IGSF10: variants seen among roughly 807,000 people sequenced by gnomAD.
The protein encoded by IGSF10 is immunoglobulin superfamily member 10.
Under a neutral mutation model 128.2 loss-of-function variants are expected in IGSF10, and 126 were observed. The ratio of observed to expected loss-of-function variants is 0.98; its 90% CI spans 0.85 to 1.14. The LOEUF is 1.14. Ranked by LOEUF, IGSF10 falls within the 50% of genes most tolerant of loss-of-function variation. IGSF10 has a pLI of 0.00. For missense variants in IGSF10, 3,295 were observed against 3,149.8 expected (o/e 1.05, Z -1.10); for synonymous variants, 1,185 against 1,146.2 (o/e 1.03, Z -0.68).
chr3:151,521,190 T>C, the IGSF10 span, among the ~76,000 whole-genome samples: 1 of 151,602 alleles, frequency 6.6e-6, no homozygotes, highest in Admixed American at 6.6e-5. Flanking sequence ...TCCTGTTTTA[T>C]ACCCAAAACA....
chr3:151,490,793 AAATC>A, the IGSF10 span, among the ~76,000 whole-genome samples: 15 of 152,286 alleles, frequency 9.8e-5, no homozygotes, highest in Admixed American at 9.8e-4. Context: ...GTCAACAAAT[AAATC>A]AAAAGGGAAA....
chr3:151,438,751 A>C (rs1383349957), intron 7 of IGSF10, among the ~76,000 whole-genome samples, 154 bp from the exon 8 acceptor site: 3 of 151,760 alleles, frequency 2.0e-5, no homozygotes, highest in Non-Finnish European at 2.9e-5. Context: ...TTTGAGAGAG[A>C]TATATATACA....
chr3:151,532,852 G>T, the IGSF10 span, among the ~76,000 whole-genome samples: 3 of 152,110 alleles, frequency 2.0e-5, no homozygotes, highest in African/African-American at 7.2e-5. Flanking sequence ...GAAATAAAGG[G>T]TATTCAATTA....
the IGSF10 span, among the ~76,000 whole-genome samples, chr3:151,555,433 TA>T: frequency 6.6e-6 from 1 of 152,050 alleles, no homozygotes; most frequent in African/African-American, 2.4e-5. Context: ...TTGAGTCAGT[TA>T]AAAATTCATC....
At chr3:151,525,976 C>T in the IGSF10 span, among the ~76,000 whole-genome samples, 6 of 152,130 alleles carry the variant, frequency 3.9e-5, no homozygotes, top group Non-Finnish European at 8.8e-5. Flanking sequence ...AACATGTACA[C>T]CGGGGAGCGG....
the IGSF10 span, among the ~76,000 whole-genome samples, chr3:151,531,900 T>A: frequency 1.3e-5 from 2 of 151,436 alleles, no homozygotes; most frequent in Non-Finnish European, 2.9e-5. Context: ...CAGGAGCTGG[T>A]TTTTTTTAAA....
the IGSF10 span, among the ~76,000 whole-genome samples, chr3:151,514,879 A>G: frequency 6.6e-6 from 1 of 152,224 alleles, no homozygotes; most frequent in Non-Finnish European, 1.5e-5. Flanking sequence ...GCTCATCATC[A>G]TTGGCCATCA....
At chr3:151,458,765 A>G in intron 2 of IGSF10, 55 bp from the exon 3 acceptor site, 2 of 1,406,946 alleles carry the variant, frequency 1.4e-6, no homozygotes, top group South Asian at 1.3e-5. Context: ...AAGTCCCAGG[A>G]CCACCACACA....
chr3:151,528,783 CT>C, the IGSF10 span, among the ~76,000 whole-genome samples: 18 of 145,984 alleles, frequency 1.2e-4, no homozygotes, highest in African/African-American at 4.6e-4. Context: ...TGGGCAGACA[CT>C]GAGCTAGCTG....
chr3:151,597,762 C>T, the IGSF10 span, among the ~76,000 whole-genome samples: 5 of 151,962 alleles, frequency 3.3e-5, no homozygotes, highest in Non-Finnish European at 7.4e-5. Context: ...ACTAAAAGTA[C>T]AAAAATTAGC....
the IGSF10 span, among the ~76,000 whole-genome samples, chr3:151,585,913 G>A: frequency 1.3e-5 from 2 of 151,686 alleles, no homozygotes; most frequent in African/African-American, 4.8e-5. Context: ...GCATTTTAGA[G>A]ATTAAACGTT....
the IGSF10 span, among the ~76,000 whole-genome samples, chr3:151,597,996 G>A: frequency 4.6e-5 from 7 of 151,496 alleles, no homozygotes; most frequent in Admixed American, 4.6e-4. Flanking sequence ...AAATATTTTG[G>A]TGGAAAATTC....
chr3:151,437,344 G>A lies in IGSF10; in HGVS notation c.7217C>T (p.Ala2406Val), dbSNP rs138165000. The change falls in exon 8 of 8, where the codon GCA (alanine) becomes GTA (valine). Residue 2406 changes from alanine (A) to valine (V), a missense_variant. Physicochemically the swap from Ala to Val is moderately conservative, Grantham distance 64 (BLOSUM62 0). Transcript: ENST00000282466. ...CCTAGCTGCACAGCGATATTTTCCT[G>A]CATCCTCCCGAGTTGTTTTAGAAAT... ...FIISKTTRED[A>V]GKYRCAARNK... 737 of 1,614,124 alleles carry A rather than the reference G, an allele frequency of 4.6e-4. 3 individuals are homozygous for A. The African/African-American group carries it at 8.7e-3, about 19-fold the overall frequency.
At chr3:151,501,109 C>T in the IGSF10 span, among the ~76,000 whole-genome samples, 5 of 151,944 alleles carry the variant, frequency 3.3e-5, no homozygotes, top group South Asian at 6.2e-4. Context: ...TGATTATAAG[C>T]GTGTGGATAA....
At position 151,447,760 on chromosome 3, in the gene IGSF10, T is replaced by A; in HGVS notation, c.2221A>T (p.Arg741Trp). Reference protein sequence around the residue: ...DSTHRRFRENRRHFPPSARRI... With the variant: ...DSTHRRFRENWRHFPPSARRI... ...CTAGCAGAGGGAGGGAAATGCCTCC[T>A]ATTCTCCCTAAAACGTCGATGTGTT... The change falls in exon 6 of 8, where the codon AGG becomes TGG. Residue 741 changes from arginine (R) to tryptophan (W), a missense_variant. By Grantham distance (101) the Arg-to-Trp change is moderately radical. Transcript: ENST00000282466. 6.2e-7 allele frequency: 1 copy of A among 1,614,138 alleles called. No individual in the cohort carries two copies. Among genetic ancestry groups the A allele is most frequent in the Non-Finnish European group, 8.5e-7 (1 of 1,179,968 alleles).
chr3:151,561,421 CA>C, the IGSF10 span, among the ~76,000 whole-genome samples: 3 of 152,034 alleles, frequency 2.0e-5, no homozygotes, highest in Non-Finnish European at 4.4e-5. Context: ...CCTAGAAAAC[CA>C]AATACTCTTC....
chr3:151,617,257 CTTCTCTTCT>C, the IGSF10 span, among the ~76,000 whole-genome samples: 1 of 95,376 alleles, frequency 1.0e-5, no homozygotes, highest in African/African-American at 4.2e-5. Flanking sequence ...TCTTCTTCTC[CTTCTCTTCT>C]TCTTCTTCTT....
chr3:151,480,142 CCACTAAATCCTCCCGCCAAA>C, the IGSF10 span, among the ~76,000 whole-genome samples: 1 of 152,102 alleles, frequency 6.6e-6, no homozygotes, highest in East Asian at 1.9e-4. Context: ...CTCTTCTTCC[CCACTAAATCCTCCCGCCAAA>C]CAGCAAATAA....
At chr3:151,527,609 AAAAAG>A in the IGSF10 span, among the ~76,000 whole-genome samples, 4 of 152,348 alleles carry the variant, frequency 2.6e-5, no homozygotes, top group South Asian at 2.1e-4. Flanking sequence ...TCTAGTGTAA[AAAAAG>A]AAAAGAAAAG....
Sources: gnomAD v4.1 joint callset for allele counts (sites outside exome capture counted in the v4.1 genomes callset) on GRCh38, gnomAD v4.1.1 for gene constraint, MANE v1.5 for transcripts, NCBI Gene and HGNC (gene_info 2026-07-23, HGNC 2026-07-21) for gene names.